The following TULP3 variants were observed in gnomAD, a reference collection of about 807,000 sequenced individuals.
TULP3 encodes tubby-related protein 3.
A neutral mutation model predicts 50.7 loss-of-function variants in TULP3; 38 were observed. The observed-to-expected ratio is 0.75, with a 90% CI of 0.58 to 0.98. The LOEUF (loss-of-function observed/expected upper bound fraction) is 0.98, where lower values mean the gene tolerates loss of function less well. Ranked by LOEUF, TULP3 falls within the 50% of genes least tolerant of loss-of-function variation. The probability of loss-of-function intolerance (pLI) is 0.00; values close to 1 mark genes in which losing one functional copy is unlikely to be tolerated. For missense variants in TULP3, 550 were observed against 568.0 expected, an observed-to-expected ratio of 0.97 and a Z score of 0.32; for synonymous variants, 183 against 196.6, an observed-to-expected ratio of 0.93 and a Z score of 0.58.
chr12:2,933,842 C>T (rs984529204), intron 7 of TULP3, among the ~76,000 whole-genome samples: 5 of 151,926 alleles, frequency 3.3e-5, no homozygotes, highest in Non-Finnish European at 2.9e-5. Flanking sequence ...TCCAGCTACC[C>T]GGGAGGCTGA....
Position 2,940,834 on chromosome 12 carries a change from A to G in TULP3, c.*1390A>G. 9.7e-7 allele frequency: 1 copy of G among 1,025,744 alleles called. No homozygotes were observed. The highest frequency in any genetic ancestry group is 1.4e-6 in the Non-Finnish European group (1 of 711,670). The allele number at this position is 1,025,744 out of a possible 1,614,324, so 63.5% of individuals were successfully genotyped here. ...TCCATCTCAGGCATGTATCCCACCA[A>G]GTGCCTCCCTCACAGCCATGCCCAG... On this transcript the variant is annotated 3_prime_UTR_variant, in exon 11 of 11. Coordinates refer to ENST00000448120, the MANE Select transcript of TULP3 (RefSeq NM_003324.5).
chr12:2,920,752 T>C lies in TULP3; in HGVS notation c.94-11T>C. 1 of 1,612,854 alleles carries C rather than the reference T, an allele frequency of 6.2e-7. No individual in the cohort carries two copies. The highest frequency in any genetic ancestry group is 1.1e-5 in the South Asian group (1 of 91,018). ...CTCTCCTTGCTGGCTGTCATATCGCTTTTTTCCCAGAGGCTACTACTTGAG... is the reference window on the plus strand; with the variant it reads ...CTCTCCTTGCTGGCTGTCATATCGCCTTTTTCCCAGAGGCTACTACTTGAG... On this transcript the variant is annotated splice_polypyrimidine_tract_variant and intron_variant, in intron 2 of 10. Coordinates refer to ENST00000448120, the MANE Select transcript of TULP3 (RefSeq NM_003324.5).
At chr12:2,894,721 C>G (rs1014289805) in intron 1 of TULP3, among the ~76,000 whole-genome samples, 5 of 152,114 alleles carry the variant, frequency 3.3e-5, no homozygotes, top group African/African-American at 1.2e-4. Flanking sequence ...TGGCGAAACC[C>G]TGTCTCTACT....
intron 1 of TULP3, among the ~76,000 whole-genome samples, chr12:2,898,461 G>A (rs926687322): frequency 2.0e-5 from 3 of 152,014 alleles, no homozygotes; most frequent in Non-Finnish European, 4.4e-5. Flanking sequence ...CATCACCCCT[G>A]GCCAGTAGTC....
intron 1 of TULP3, among the ~76,000 whole-genome samples, chr12:2,897,600 C>T (rs929086194): frequency 6.7e-6 from 1 of 149,636 alleles, no homozygotes; most frequent in African/African-American, 2.5e-5. Context: ...GTGAGACCCC[C>T]TGTCTGTCTG....
At chr12:2,910,785 A>T (rs2098185003) in intron 2 of TULP3, among the ~76,000 whole-genome samples, 1 of 152,224 alleles carries the variant, frequency 6.6e-6, no homozygotes, top group African/African-American at 2.4e-5. Context: ...GTGATCTTGG[A>T]GAAAATTCTG....
intron 1 of TULP3, among the ~76,000 whole-genome samples, chr12:2,902,170 A>G (rs766112724): frequency 1.3e-5 from 2 of 152,202 alleles, no homozygotes; most frequent in Non-Finnish European, 2.9e-5. Flanking sequence ...ACAATTATGA[A>G]TTTCTCTAAA....
At chr12:2,914,305 G>C (rs903389766) in intron 2 of TULP3, among the ~76,000 whole-genome samples, 1 of 151,756 alleles carries the variant, frequency 6.6e-6, no homozygotes, top group Non-Finnish European at 1.5e-5. Context: ...TGTATTTGTA[G>C]TAGAGACAGG....
chr12:2,925,215 G>T (rs1273304465), intron 4 of TULP3, among the ~76,000 whole-genome samples: 1 of 152,036 alleles, frequency 6.6e-6, no homozygotes, highest in African/African-American at 2.4e-5. Flanking sequence ...ATTTTAAGCT[G>T]AACAATGATA....
chr12:2,923,309 G>C (rs2098192845), intron 4 of TULP3, among the ~76,000 whole-genome samples: 1 of 152,160 alleles, frequency 6.6e-6, no homozygotes, highest in Non-Finnish European at 1.5e-5. Flanking sequence ...TTCTACCACG[G>C]AATGGCATAA....
At chr12:2,918,401 C>T (rs370672167) in intron 2 of TULP3, among the ~76,000 whole-genome samples, 9 of 150,610 alleles carry the variant, frequency 6.0e-5, no homozygotes, top group Non-Finnish European at 1.2e-4. Flanking sequence ...CGTGAGCCAC[C>T]GCGCCCAGCC....
chr12:2,923,097 C>T (rs551321734), intron 4 of TULP3, among the ~76,000 whole-genome samples: 11 of 152,008 alleles, frequency 7.2e-5, no homozygotes, highest in Middle Eastern at 3.4e-3. Context: ...CCTGGTGATC[C>T]GCCCGCCTCG....
At chr12:2,903,232 T>C (rs1299140865) in intron 1 of TULP3, among the ~76,000 whole-genome samples, 1 of 152,186 alleles carries the variant, frequency 6.6e-6, no homozygotes, top group Admixed American at 6.5e-5. Flanking sequence ...TATTTTCTTT[T>C]TTTCTCTTTG....
chr12:2,937,286 G>A (rs1276310500), intron 8 of TULP3, among the ~76,000 whole-genome samples: 1 of 116,910 alleles, frequency 8.6e-6, no homozygotes, highest in Admixed American at 1.3e-4. Flanking sequence ...GCGTGATCTC[G>A]GCTCACTGCA....
chr12:2,895,908 G>GTGTAT (rs2098175292), intron 1 of TULP3, among the ~76,000 whole-genome samples: 2 of 93,142 alleles, frequency 2.1e-5, no homozygotes, highest in African/African-American at 1.0e-4. Context: ...GTAAGTATTA[G>GTGTAT]CATATCTAAA....
At chr12:2,915,491 C>A (rs1236492938) in intron 2 of TULP3, among the ~76,000 whole-genome samples, 1 of 151,482 alleles carries the variant, frequency 6.6e-6, no homozygotes, top group African/African-American at 2.4e-5. Flanking sequence ...TTTAGTCTTA[C>A]CTTCCTATGA....
intron 1 of TULP3, among the ~76,000 whole-genome samples, chr12:2,897,078 G>A (rs993377484): frequency 1.3e-5 from 2 of 151,862 alleles, no homozygotes; most frequent in African/African-American, 4.8e-5. Context: ...GCAGGATCTC[G>A]GCTCATGGCA....
intron 4 of TULP3, among the ~76,000 whole-genome samples, chr12:2,927,759 C>T (rs779521514): frequency 5.9e-5 from 9 of 151,938 alleles, no homozygotes; most frequent in Admixed American, 1.3e-4. Context: ...TTTTTCTTTC[C>T]GAGATGTTGA....
intron 1 of TULP3, among the ~76,000 whole-genome samples, chr12:2,895,943 CTTT>C: frequency 6.9e-6 from 1 of 145,316 alleles, no homozygotes; most frequent in African/African-American, 2.5e-5. Context: ...AGTGAGAATA[CTTT>C]TTTTTTTTTT....
Sources: gnomAD v4.1 joint callset for allele counts (sites outside exome capture counted in the v4.1 genomes callset) on GRCh38, gnomAD v4.1.1 for gene constraint, MANE v1.5 for transcripts, NCBI Gene and HGNC (gene_info 2026-07-23, HGNC 2026-07-21) for gene names.